Variants in AHCTF1 observed in about 807,000 individuals in gnomAD.
AHCTF1 encodes protein ELYS.
In AHCTF1, 24 loss-of-function variants were observed where a neutral mutation model predicts 248.4. The ratio of observed to expected loss-of-function variants is 0.10; its 90% CI spans 0.07 to 0.14. The LOEUF (loss-of-function observed/expected upper bound fraction) is 0.14, where lower values mean the gene tolerates loss of function less well. Ranked by LOEUF, AHCTF1 falls within the 10% of genes least tolerant of loss-of-function variation. The probability of loss-of-function intolerance (pLI) is 1.00; values close to 1 mark genes in which losing one functional copy is unlikely to be tolerated. For missense variants in AHCTF1, 2,206 were observed against 2,636.2 expected (o/e 0.84, Z 3.57); for synonymous variants, 786 against 929.8 (o/e 0.85, Z 2.81).
At chr1:246,927,801 C>T (rs1245141273) in intron 1 of AHCTF1, among the ~76,000 whole-genome samples, 2 of 151,972 alleles carry the variant, frequency 1.3e-5, no homozygotes, top group African/African-American at 4.8e-5. Flanking sequence ...TCAAGAGACC[C>T]AGACCATCCT....
At position 246,900,599 on chromosome 1, in the gene AHCTF1, GCATTTCTAT is replaced by G. The variant is rs112962898; in HGVS notation, c.1118-139_1118-131del. ...CATATTTCACTTGATTCATCAAAAC[GCATTTCTAT>G]CATTTGTATGTAAGACCAGATTCAT... On this transcript the variant is annotated intron_variant, in intron 8 of 35. Coordinates refer to ENST00000648844, the MANE Select transcript of AHCTF1 (RefSeq NM_001323342.2). The G allele has an allele frequency of 2.7e-5, 27 of 989,450 alleles. No homozygotes were observed. In the African/African-American group the frequency reaches 3.7e-4, roughly 14 times the overall value. The allele number at this position is 989,450 out of a possible 1,614,324, so 61.3% of individuals were successfully genotyped here. A position where few individuals can be genotyped will look rare whatever the true frequency, so the allele number is the denominator to read the frequency against.
chr1:246,850,742 T>G lies in AHCTF1; in HGVS notation c.5264A>C (p.Gln1755Pro). The change falls in exon 33 of 36, where the codon CAA becomes CCA. Residue 1755 changes from glutamine (Q) to proline (P), a missense_variant. By Grantham distance (76) the Gln-to-Pro change is moderately conservative (BLOSUM62 -1). Transcript: ENST00000648844. ...AGCAACATCTGCTGATGCTTCCTGT[T>G]GTGCTGATTTGACATTCACGTTTTG... Reference protein sequence around the residue: ...RIQNVNVKSAQQEASADVATP... With the variant: ...RIQNVNVKSAPQEASADVATP... 1 of 1,613,928 alleles carries G rather than the reference T, an allele frequency of 6.2e-7. No individual in the cohort carries two copies. Among genetic ancestry groups the G allele is most frequent in the East Asian group, 2.2e-5 (1 of 44,868 alleles).
intron 4 of AHCTF1, among the ~76,000 whole-genome samples, chr1:246,911,989 A>G (rs1665837056): frequency 6.6e-6 from 1 of 151,964 alleles, no homozygotes. Flanking sequence ...GCTGGAGTGC[A>G]GTGGCGTGAT....
chr1:246,907,199 A>G (rs537152529), intron 5 of AHCTF1, among the ~76,000 whole-genome samples: 1 of 152,356 alleles, frequency 6.6e-6, no homozygotes, highest in South Asian at 2.1e-4. Context: ...AAAAAGGTAC[A>G]ATCAAAATAC....
At chr1:246,874,004 G>C (rs2103099247) in intron 24 of AHCTF1, among the ~76,000 whole-genome samples, 1 of 152,264 alleles carries the variant, frequency 6.6e-6, no homozygotes, top group Non-Finnish European at 1.5e-5. Flanking sequence ...CCCGCTTGCT[G>C]CTTCTGACAC....
intron 7 of AHCTF1, among the ~76,000 whole-genome samples, chr1:246,903,577 C>T (rs1665154651): frequency 6.6e-6 from 1 of 151,892 alleles, no homozygotes; most frequent in Non-Finnish European, 1.5e-5. Context: ...CACCTGTAAT[C>T]CCAGCACTTT....
chr1:246,923,527 GAC>G (rs1224300186), intron 1 of AHCTF1, among the ~76,000 whole-genome samples: 1 of 152,178 alleles, frequency 6.6e-6, no homozygotes, highest in Non-Finnish European at 1.5e-5. Context: ...AAATAATCTA[GAC>G]ACAGAATCAC....
At chr1:246,867,128 A>G (rs1316029542) in intron 26 of AHCTF1, 116 bp downstream of exon 26, 1 of 607,214 alleles carries the variant, frequency 1.6e-6, no homozygotes, top group African/African-American at 1.9e-5. Context: ...AAAAGCAAAC[A>G]TTAAAATATT....
At position 246,900,419 on chromosome 1, in the gene AHCTF1, A is replaced by T; in HGVS notation, c.1168T>A (p.Tyr390Asn). 1.3e-6 allele frequency: 2 copies of T among 1,599,606 alleles called. No homozygotes were observed. The highest frequency in any genetic ancestry group is 1.7e-6 in the Non-Finnish European group (2 of 1,176,972). ...VSVFTWQVNI[Y>N]GQGKPSVYLG... ...TATACAGAAGGCTTTCCCTGTCCAT[A>T]TATATTCACCTGCCAGGTAAAGACT... The change falls in exon 9 of 36, where the codon TAT (tyrosine) becomes AAT (asparagine). Residue 390 changes from tyrosine (Y) to asparagine (N), a missense_variant. Tyr to Asn is a moderately radical substitution (Grantham distance 143, BLOSUM62 -2). This residue lies in a region of AHCTF1 where 650 missense variants were observed against 870.8 expected (regional missense o/e 0.75). Transcript: ENST00000648844.
At chr1:246,884,522 C>G (rs896175901) in intron 21 of AHCTF1, among the ~76,000 whole-genome samples, 2 of 152,198 alleles carry the variant, frequency 1.3e-5, no homozygotes. Context: ...TTGAATAAAA[C>G]CAGTAAAAGT....
At chr1:246,864,139 T>C (rs770009196) in intron 26 of AHCTF1, 23 bp from the exon 27 acceptor site, 7 of 1,607,732 alleles carry the variant, frequency 4.4e-6, no homozygotes, top group African/African-American at 1.3e-5. Flanking sequence ...TGCGCATTTA[T>C]TGAGTTATAC....
At chr1:246,854,466 A>G (rs1360031870) in intron 31 of AHCTF1, among the ~76,000 whole-genome samples, 3 of 152,084 alleles carry the variant, frequency 2.0e-5, no homozygotes, top group Non-Finnish European at 2.9e-5. Context: ...GTTCAGCAAT[A>G]AGCAATTAGT....
At chr1:246,923,606 A>G (rs1053758733) in intron 1 of AHCTF1, among the ~76,000 whole-genome samples, 15 of 152,240 alleles carry the variant, frequency 9.9e-5, no homozygotes, top group African/African-American at 3.6e-4. Flanking sequence ...GGACTCTTCA[A>G]TCAACATTTC....
chr1:246,900,970 G>A (rs938588687), intron 8 of AHCTF1, among the ~76,000 whole-genome samples: 2 of 152,130 alleles, frequency 1.3e-5, no homozygotes, highest in African/African-American at 4.8e-5. Context: ...CAGGAATAGA[G>A]TAAGAGACAT....
intron 5 of AHCTF1, 101 bp from the exon 6 acceptor site, chr1:246,905,758 T>G (rs1259092215): frequency 1.3e-6 from 1 of 797,886 alleles, no homozygotes; most frequent in African/African-American, 1.7e-5. Context: ...GTTCCTACAC[T>G]TCCCCAGAAT....
Position 246,888,275 on chromosome 1 carries a change from G to GTCAT in AHCTF1, c.2269-46_2269-43dup, listed in dbSNP as rs534939657. 2.8e-4 allele frequency: 448 copies of GTCAT among 1,612,198 alleles called. 5 individuals are homozygous for GTCAT. In the South Asian group the frequency reaches 4.6e-3, roughly 16 times the overall value. ...TAAAACCTTCAGTGGATCTTATACA[G>GTCAT]TCATTCATTCATTCATGCTTCTTGT... On this transcript the variant is annotated intron_variant, in intron 18 of 35. Transcript: ENST00000648844.
At chr1:246,888,574 C>A in intron 17 of AHCTF1, 57 bp from the exon 18 acceptor site, 1 of 1,563,236 alleles carries the variant, frequency 6.4e-7, no homozygotes, top group Non-Finnish European at 8.7e-7. Context: ...AATATCAAAG[C>A]AACCAGCATC....
chr1:246,889,475 C>A (rs531052781), intron 17 of AHCTF1, among the ~76,000 whole-genome samples: 5 of 152,292 alleles, frequency 3.3e-5, no homozygotes, highest in African/African-American at 9.6e-5. Context: ...TAGGAAATAA[C>A]AGATCTAGAA....
chr1:246,885,798 G>GA, intron 20 of AHCTF1, 118 bp from the exon 21 acceptor site: 5 of 977,894 alleles, frequency 5.1e-6, no homozygotes, highest in Admixed American at 5.6e-5. Context: ...AATATAAGCT[G>GA]AAAAAATCTA....
Sources: allele counts gnomAD v4.1 joint callset (sites outside exome capture counted in the v4.1 genomes callset), GRCh38; gene constraint gnomAD v4.1.1; regional missense constraint gnomAD v4.1.1; transcripts MANE v1.5; gene names NCBI Gene and HGNC (gene_info 2026-07-23, HGNC 2026-07-21).